REST: variants seen among roughly 807,000 people sequenced by gnomAD.
REST encodes RE1 silencing transcription factor, also known as RE1-silencing transcription factor.
In REST, 1 loss-of-function variant was observed where a neutral mutation model predicts 30.4. That is an observed-to-expected ratio of 0.03 (90% CI 0.01 to 0.16). The LOEUF (loss-of-function observed/expected upper bound fraction) is 0.16, where lower values mean the gene tolerates loss of function less well. REST is among the 10% of genes least tolerant of loss of function. The probability of loss-of-function intolerance (pLI) is 1.00; values close to 1 mark genes in which losing one functional copy is unlikely to be tolerated. For synonymous variants in REST, 504 were observed against 451.1 expected, an observed-to-expected ratio of 1.12 and a Z score of -1.49; for missense variants, 1,259 against 1,329.5, an observed-to-expected ratio of 0.95 and a Z score of 0.82.
At chr4:56,927,834 A>G (rs1010500672) in intron 3 of REST, among the ~76,000 whole-genome samples, 3 of 152,090 alleles carry the variant, frequency 2.0e-5, no homozygotes, top group Non-Finnish European at 4.4e-5. Context: ...AGGTGGGGGG[A>G]AAATCAAGAA....
chr4:56,920,217 G>A (rs1378367795), intron 3 of REST, among the ~76,000 whole-genome samples: 1 of 151,912 alleles, frequency 6.6e-6, no homozygotes, highest in Non-Finnish European at 1.5e-5. Context: ...ACAGTATAAA[G>A]CTGAGAGTCA....
At chr4:56,925,325 A>C (rs991363360) in intron 3 of REST, among the ~76,000 whole-genome samples, 2 of 152,018 alleles carry the variant, frequency 1.3e-5, no homozygotes, top group Non-Finnish European at 2.9e-5. Context: ...CGATCCTCCC[A>C]CCTCAGCCTC....
chr4:56,918,448 A>T (rs1720304018), intron 2 of REST, among the ~76,000 whole-genome samples: 1 of 152,022 alleles, frequency 6.6e-6, no homozygotes, highest in Non-Finnish European at 1.5e-5. Context: ...AGCTACGTTC[A>T]TGCCACCACA....
At position 56,931,320 on chromosome 4, in the gene REST, A is replaced by G; in HGVS notation, c.2462A>G (p.Lys821Arg). Reference sequence around the variant, plus strand: ...AAGCCTCCTCTCCGAAAAGATAAAAAGGAAAAGTCTAACATGCAGAGTGAA... The same window carrying G: ...AAGCCTCCTCTCCGAAAAGATAAAAGGGAAAAGTCTAACATGCAGAGTGAA... The part of the protein sequence containing the change: ...SKKPPLRKDK[K>R]EKSNMQSERA... The change falls in exon 4 of 4, where the codon AAG becomes AGG. Residue 821 changes from lysine (K) to arginine (R), a missense_variant. Lys to Arg is a conservative substitution (Grantham distance 26). This residue lies in a region of REST where 856 missense variants were observed against 772.8 expected (regional missense o/e 1.11). Coordinates refer to ENST00000309042, the MANE Select transcript of REST (RefSeq NM_005612.5). 1 of 1,614,252 alleles carries G rather than the reference A, an allele frequency of 6.2e-7. No individual in the cohort carries two copies. The highest frequency in any genetic ancestry group is 1.6e-4 in the Middle Eastern group (1 of 6,062).
rs1342045962 is a variant in REST, at chr4:56,908,113, C to T, written c.-110C>T. The stretch of plus-strand genomic sequence containing the variant: ...ACGGCCCCAGCACCCAACTTTACCA[C>T]CCTCCCCCACCTCTCCCCCGAAACT... On this transcript the variant is annotated 5_prime_UTR_variant, in exon 1 of 4. Transcript: ENST00000309042. 6 of 299,870 alleles carry T rather than the reference C, an allele frequency of 2.0e-5. No individual in the cohort carries two copies. Among genetic ancestry groups the T allele is most frequent in the Non-Finnish European group, 3.7e-5 (6 of 161,694 alleles). 18.6% of individuals were successfully genotyped at this position (299,870 alleles called of 1,614,324 possible).
intron 2 of REST, among the ~76,000 whole-genome samples, chr4:56,918,658 A>G (rs147262177): frequency 8.9e-4 from 136 of 152,160 alleles, no homozygotes; most frequent in African/African-American, 3.2e-3. Flanking sequence ...TCTGGGCTCA[A>G]GTGATCCTCC....
In REST at chr4:56,910,945, C is replaced by T. The variant is rs1356441917; in HGVS notation, c.307C>T (p.Pro103Ser). Residue 103 changes from proline (P) to serine (S), a missense_variant, in exon 2 of 4, where the codon CCT becomes TCT. Pro to Ser is a moderately conservative substitution (Grantham distance 74, BLOSUM62 -1). This residue lies in a region of REST where 249 missense variants were observed against 251.5 expected (regional missense o/e 0.99). Transcript: ENST00000309042. ...AGAGTCTGCTGATATAAAAGGTGAA[C>T]CTCATGGACTGGAAAACATGGAACT... ...LEESADIKGE[P>S]HGLENMELRS... 6.2e-7 allele frequency: 1 copy of T among 1,614,094 alleles called. No homozygotes were observed.
At chr4:56,927,709 G>A in intron 3 of REST, 1 of 974,088 alleles carries the variant, frequency 1.0e-6, no homozygotes, top group Non-Finnish European at 1.4e-6. Context: ...CTTTAATTTG[G>A]GGGTGGGGGT....
chr4:56,912,050 G>A (rs1417224741), intron 2 of REST, among the ~76,000 whole-genome samples: 4 of 152,156 alleles, frequency 2.6e-5, no homozygotes, highest in Admixed American at 1.3e-4. Context: ...GAAATTGAGG[G>A]CTTATATAAA....
chr4:56,930,824 G>A lies in REST; in HGVS notation c.1966G>A (p.Val656Met). 1 of 1,610,768 alleles carries A rather than the reference G, an allele frequency of 6.2e-7. No individual in the cohort carries two copies. Among genetic ancestry groups the A allele is most frequent in the South Asian group, 1.1e-5 (1 of 90,842 alleles). The change falls in exon 4 of 4, where the codon GTG (valine) becomes ATG (methionine). Residue 656 changes from valine (V) to methionine (M), a missense_variant. Transcript: ENST00000309042. ...TCCTGACGAGCCTGTTCAGATGGAG[G>A]TGGTTCAGGAGGGGCCTGCTCAGAA... ...PAPDEPVQMEVVQEGPAQKEL... is the reference protein window; with the variant it reads ...PAPDEPVQMEMVQEGPAQKEL...
At chr4:56,912,322 T>C (rs1392386812) in intron 2 of REST, among the ~76,000 whole-genome samples, 4 of 150,586 alleles carry the variant, frequency 2.7e-5, no homozygotes, top group Non-Finnish European at 5.9e-5. Context: ...AGCGCAACTG[T>C]ATAAAAAAAG....
Position 56,930,287 on chromosome 4 carries a change from A to G in REST, c.1429A>G (p.Lys477Glu). Residue 477 changes from lysine (K) to glutamate (E), a missense_variant, in exon 4 of 4, where the codon AAA becomes GAA. Lys to Glu is a moderately conservative substitution (Grantham distance 56). Coordinates refer to ENST00000309042, the MANE Select transcript of REST (RefSeq NM_005612.5). ...AGAGAAAAGAGATGTCTCAAAAGAGAAAAAGCCTTCTAATAATGTGTCAGT... is the reference window on the plus strand; with the variant it reads ...AGAGAAAAGAGATGTCTCAAAAGAGGAAAAGCCTTCTAATAATGTGTCAGT... ...KAEKRDVSKE[K>E]KPSNNVSVIQ... 1 of 1,613,752 alleles carries G rather than the reference A, an allele frequency of 6.2e-7. No individual in the cohort carries two copies. The highest frequency in any genetic ancestry group is 1.1e-5 in the South Asian group (1 of 90,952).
chr4:56,918,518 A>T (rs1388740088), intron 2 of REST, among the ~76,000 whole-genome samples: 1 of 152,092 alleles, frequency 6.6e-6, no homozygotes, highest in Non-Finnish European at 1.5e-5. Context: ...AAGAAAATTG[A>T]TGACCTTCTC....
chr4:56,921,725 T>C (rs763136301), intron 3 of REST, among the ~76,000 whole-genome samples: 6 of 152,116 alleles, frequency 3.9e-5, no homozygotes, highest in Non-Finnish European at 8.8e-5. Context: ...TTTCAAACAA[T>C]GTGAAGAAAA....
intron 2 of REST, among the ~76,000 whole-genome samples, chr4:56,916,683 T>TGAA (rs1472458277): frequency 1.3e-5 from 2 of 152,218 alleles, no homozygotes; most frequent in African/African-American, 4.8e-5. Context: ...TAAATTATCT[T>TGAA]TGATTCTTCA....
intron 2 of REST, among the ~76,000 whole-genome samples, chr4:56,915,238 GTATT>G (rs1398047533): frequency 7.0e-5 from 6 of 85,294 alleles, no homozygotes; most frequent in Non-Finnish European, 1.1e-4. Flanking sequence ...GTGTGTGTGT[GTATT>G]TTTTTTTTTT....
chr4:56,931,366 C>T lies in REST; in HGVS notation c.2508C>T (p.Val836=), dbSNP rs760148197. 1.2e-6 allele frequency: 2 copies of T among 1,614,220 alleles called. No homozygotes were observed. The highest frequency in any genetic ancestry group is 2.2e-5 in the East Asian group (1 of 44,886). The stretch of plus-strand genomic sequence containing the variant: ...GTGAAAGGGCACGGAAGGAGCAAGT[C>T]CTTATTGAAGTTGGCTTAGTGCCTG... ...MQSERARKEQ[V]LIEVGLVPVK... is the part of the protein sequence containing the mutation. Residue 836 remains valine (V), a synonymous_variant, in exon 4 of 4, where the codon GTC becomes GTT. Coordinates refer to ENST00000309042, the MANE Select transcript of REST (RefSeq NM_005612.5).
At position 56,930,872 on chromosome 4, in the gene REST, C is replaced by A. The variant is rs1720931912; in HGVS notation, c.2014C>A (p.Pro672Thr). 6.2e-7 allele frequency: 1 copy of A among 1,614,010 alleles called. No individual in the cohort carries two copies. Among genetic ancestry groups the A allele is most frequent in the Non-Finnish European group, 8.5e-7 (1 of 1,179,934 alleles). The change falls in exon 4 of 4, where the codon CCT (proline) becomes ACT (threonine). Residue 672 changes from proline to threonine, a missense_variant. Physicochemically the swap from Pro to Thr is conservative, Grantham distance 38. Coordinates refer to ENST00000309042, the MANE Select transcript of REST (RefSeq NM_005612.5). ...GAAGGAGCTGCTGCCTCCCGTGGAGCCTGCTCAGATGGTGGGTGCCCAAAT... is the reference window on the plus strand; with the variant it reads ...GAAGGAGCTGCTGCCTCCCGTGGAGACTGCTCAGATGGTGGGTGCCCAAAT... ...AQKELLPPVE[P>T]AQMVGAQIVL...
chr4:56,930,085 A>G lies in REST; in HGVS notation c.1227A>G (p.Lys409=). ...AGTGTAATCTACAGTATCACTTCAAATCTAAGCATCCTACTTGTCCTAATA... is the reference window on the plus strand; with the variant it reads ...AGTGTAATCTACAGTATCACTTCAAGTCTAAGCATCCTACTTGTCCTAATA... ...SKKCNLQYHF[K]SKHPTCPNKT... Residue 409 remains lysine (K), a synonymous_variant, in exon 4 of 4, where the codon AAA becomes AAG. Transcript: ENST00000309042. The G allele has an allele frequency of 6.2e-7, 1 of 1,614,032 alleles. No homozygotes were observed. Among genetic ancestry groups the G allele is most frequent in the Non-Finnish European group, 8.5e-7 (1 of 1,180,010 alleles).
Sources: allele counts gnomAD v4.1 joint callset (sites outside exome capture counted in the v4.1 genomes callset), GRCh38; gene constraint gnomAD v4.1.1; regional missense constraint gnomAD v4.1.1; transcripts MANE v1.5; gene names NCBI Gene and HGNC (gene_info 2026-07-23, HGNC 2026-07-21).